Variants in ZNF385D observed in about 807,000 individuals in gnomAD.
ZNF385D encodes zinc finger protein 659.
In ZNF385D, 15 loss-of-function variants were observed where a neutral mutation model predicts 35.8. The ratio of observed to expected loss-of-function variants is 0.42; its 90% CI spans 0.28 to 0.64. The LOEUF (loss-of-function observed/expected upper bound fraction) is 0.64, where lower values mean the gene tolerates loss of function less well. Among genes scored for constraint, ZNF385D ranks in the 30% least tolerant of loss-of-function variants. The pLI is 0.23. For missense variants in ZNF385D, 474 were observed against 494.6 expected (o/e 0.96, Z 0.39); for synonymous variants, 212 against 186.8 (o/e 1.13, Z -1.10).
At chr3:22,073,622 G>T (rs1224142706) in intron 3 of ZNF385D, among the ~76,000 whole-genome samples, 2 of 151,770 alleles carry the variant, frequency 1.3e-5, no homozygotes, top group Non-Finnish European at 2.9e-5. Flanking sequence ...AATAATTTAG[G>T]CTTTTTATTT....
chr3:21,686,215 C>G (rs992780090), intron 1 of ZNF385D, among the ~76,000 whole-genome samples: 3 of 152,004 alleles, frequency 2.0e-5, no homozygotes, highest in Admixed American at 6.5e-5. Context: ...GTACTCAAAT[C>G]GTAATGTTTC....
chr3:21,496,373 C>T (rs200865309), intron 4 of ZNF385D, among the ~76,000 whole-genome samples: 11,349 of 144,344 alleles, frequency 0.079, 483 homozygotes, highest in Middle Eastern at 0.085. Context: ...TATATACACA[C>T]ATATATTTGA....
chr3:21,755,290 C>G (rs997596654), upstream of ZNF385D, among the ~76,000 whole-genome samples: 5 of 152,210 alleles, frequency 3.3e-5, no homozygotes, highest in African/African-American at 1.2e-4. Flanking sequence ...CCATTATCAT[C>G]TTTAAAAATG....
At chr3:21,716,779 G>C (rs541187786) in intron 1 of ZNF385D, among the ~76,000 whole-genome samples, 54 of 152,054 alleles carry the variant, frequency 3.6e-4, no homozygotes, top group African/African-American at 1.2e-3. Flanking sequence ...TAGAATTTTT[G>C]TTGTTGTTGT....
rs1226813622 is a variant in ZNF385D at position 21,421,150 on chromosome 3, TTTTG to T, written c.*60_*63del. 1.5e-5 allele frequency: 20 copies of T among 1,357,868 alleles called. No individual in the cohort carries two copies. Among genetic ancestry groups the T allele is most frequent in the Middle Eastern group, 4.6e-4 (2 of 4,308 alleles). 84.1% of individuals were successfully genotyped at this position (1,357,868 alleles called of 1,614,324 possible). A position where few individuals can be genotyped will look rare whatever the true frequency, so the allele number is the denominator to read the frequency against. The stretch of plus-strand genomic sequence containing the variant: ...TATAAATAAACACTGCATAGTTCTC[TTTTG>T]TTTGTTTTGTTTTTTGTTTTTTGAA... On this transcript the variant is annotated 3_prime_UTR_variant, in exon 8 of 8. Coordinates refer to ENST00000281523, the MANE Select transcript of ZNF385D (RefSeq NM_024697.3).
At chr3:21,590,335 A>G (rs957474757) in intron 2 of ZNF385D, among the ~76,000 whole-genome samples, 16 of 152,200 alleles carry the variant, frequency 1.1e-4, no homozygotes, top group Non-Finnish European at 1.6e-4. Context: ...AGGGGATATG[A>G]CCAGCAGGGA....
intron 3 of ZNF385D, among the ~76,000 whole-genome samples, chr3:21,909,487 T>C (rs1278283644): frequency 1.3e-5 from 2 of 152,070 alleles, no homozygotes; most frequent in African/African-American, 4.8e-5. Context: ...GGTAACAAAA[T>C]CTTTGTAACA....
chr3:22,221,341 C>T (rs1264629343), intron 2 of ZNF385D, among the ~76,000 whole-genome samples: 1 of 152,042 alleles, frequency 6.6e-6, no homozygotes, highest in African/African-American at 2.4e-5. Context: ...TATTTCTCAG[C>T]TTCAAAAGTT....
At chr3:22,007,603 CA>C (rs1334171114) in intron 3 of ZNF385D, among the ~76,000 whole-genome samples, 2 of 152,138 alleles carry the variant, frequency 1.3e-5, no homozygotes, top group Non-Finnish European at 2.9e-5. Flanking sequence ...GCCTATGAGC[CA>C]TGTATGAAAG....
intron 2 of ZNF385D, chr3:22,372,427 A>G: frequency 1.0e-6 from 1 of 983,366 alleles, no homozygotes; most frequent in Non-Finnish European, 1.2e-6. Context: ...GAACCGAGAC[A>G]CCTCTTTTTG....
chr3:21,879,836 A>G (rs1698183768), intron 3 of ZNF385D, among the ~76,000 whole-genome samples: 1 of 151,966 alleles, frequency 6.6e-6, no homozygotes, highest in Non-Finnish European at 1.5e-5. Context: ...TAATATTACA[A>G]TGAATAGGAG....
At chr3:21,764,532 C>T (rs139054013) in intron 3 of ZNF385D, among the ~76,000 whole-genome samples, 2 of 152,282 alleles carry the variant, frequency 1.3e-5, no homozygotes, top group East Asian at 3.9e-4. Context: ...GTCTACATGC[C>T]AGCCAATGAA....
chr3:22,076,499 C>G (rs1700471432), intron 3 of ZNF385D, among the ~76,000 whole-genome samples: 1 of 151,916 alleles, frequency 6.6e-6, no homozygotes, highest in African/African-American at 2.4e-5. Flanking sequence ...AACCAAACCA[C>G]TTAAAGTTGG....
intron 3 of ZNF385D, among the ~76,000 whole-genome samples, chr3:21,837,710 A>G (rs12629136): frequency 0.2 from 31,096 of 151,798 alleles, 3,328 homozygotes; most frequent in East Asian, 0.29. Context: ...CGTCTCTACT[A>G]AAAATATAAA....
At chr3:21,626,878 G>T (rs534873707) in intron 2 of ZNF385D, among the ~76,000 whole-genome samples, 39 of 152,162 alleles carry the variant, frequency 2.6e-4, no homozygotes, top group South Asian at 6.2e-4. Flanking sequence ...CAGAGCCAGA[G>T]GCCAAGGCAA....
intron 1 of ZNF385D, among the ~76,000 whole-genome samples, chr3:21,672,894 G>A (rs1425845517): frequency 6.6e-6 from 1 of 152,086 alleles, no homozygotes; most frequent in African/African-American, 2.4e-5. Flanking sequence ...AATTTCTGGT[G>A]CCTGAAACAT....
chr3:21,572,414 A>G (rs796450638), intron 2 of ZNF385D, among the ~76,000 whole-genome samples: 24 of 152,262 alleles, frequency 1.6e-4, no homozygotes, highest in African/African-American at 5.3e-4. Context: ...GTGGCATACA[A>G]TTTCCCTAAA....
chr3:21,794,053 C>G (rs1008249792), intron 3 of ZNF385D, among the ~76,000 whole-genome samples: 28 of 152,070 alleles, frequency 1.8e-4, no homozygotes, highest in African/African-American at 6.8e-4. Flanking sequence ...GGAGAGAGCA[C>G]AAAGAATGAC....
In ZNF385D at chr3:21,748,197, G is replaced by C. The variant is rs115394893; in HGVS notation, c.22+2698C>G. Reference sequence around the variant, plus strand: ...GATAAGAGTGAGGCTTAAGTCATTAGAAAGCTCTATTATTCTGGCAAGTCT... The same window carrying C: ...GATAAGAGTGAGGCTTAAGTCATTACAAAGCTCTATTATTCTGGCAAGTCT... On this transcript the variant is annotated intron_variant, in intron 1 of 7. Transcript: ENST00000281523. Among the ~76,000 whole-genome samples the C allele has an allele frequency of 6.3e-3, 966 of 152,294 alleles. 15 individuals are homozygous for C. The highest frequency in any genetic ancestry group is 0.022 in the African/African-American group (901 of 41,552).
Sources: gnomAD v4.1 joint callset for allele counts (sites outside exome capture counted in the v4.1 genomes callset) on GRCh38, gnomAD v4.1.1 for gene constraint, MANE v1.5 for transcripts, NCBI Gene and HGNC (gene_info 2026-07-23, HGNC 2026-07-21) for gene names.